The following PTGIS variants were observed in gnomAD, a reference collection of about 807,000 sequenced individuals.
PTGIS encodes the protein prostaglandin I2 synthase, also known as prostacyclin synthase.
PTGIS carries 45 observed loss-of-function variants against 50.3 expected under a neutral mutation model. The ratio of observed to expected loss-of-function variants is 0.90; its 90% CI spans 0.70 to 1.15. The LOEUF is 1.15. Ranked by LOEUF, PTGIS falls within the 50% of genes most tolerant of loss-of-function variation. The probability of loss-of-function intolerance (pLI) is 0.00; values close to 1 mark genes in which losing one functional copy is unlikely to be tolerated. For synonymous variants in PTGIS, 260 were observed against 267.7 expected (o/e 0.97, Z 0.28); for missense variants, 668 against 661.3 (o/e 1.01, Z -0.11).
intron 6 of PTGIS, among the ~76,000 whole-genome samples, chr20:49,520,317 G>A: frequency 6.6e-6 from 1 of 151,244 alleles, no homozygotes; most frequent in South Asian, 2.1e-4. Context: ...CTTCTCCATA[G>A]AACACATTCC....
intron 5 of PTGIS, 30 bp from the exon 6 acceptor site, chr20:49,524,269 T>C (rs1981738051): frequency 5.0e-6 from 8 of 1,610,100 alleles, no homozygotes; most frequent in Admixed American, 3.3e-5. Flanking sequence ...AGAGTAGGGG[T>C]TACAGATTCA....
chr20:49,520,026 G>A (rs1981607383), intron 6 of PTGIS, among the ~76,000 whole-genome samples: 1 of 151,600 alleles, frequency 6.6e-6, no homozygotes, highest in East Asian at 1.9e-4. Context: ...CGAAAGACAG[G>A]CCAGGTTCTT....
At chr20:49,519,953 C>A (rs1182639561) in intron 6 of PTGIS, among the ~76,000 whole-genome samples, 2 of 141,940 alleles carry the variant, frequency 1.4e-5, no homozygotes, top group Admixed American at 6.9e-5. Context: ...GCTCTCCCTG[C>A]CTCTGCTTCC....
At chr20:49,516,270 T>A (rs1408166629) in intron 6 of PTGIS, among the ~76,000 whole-genome samples, 1 of 151,952 alleles carries the variant, frequency 6.6e-6, no homozygotes, top group Non-Finnish European at 1.5e-5. Context: ...TTTTAAACTG[T>A]TCAAAATTTT....
chr20:49,529,865 C>A (rs936668630), intron 5 of PTGIS, among the ~76,000 whole-genome samples: 2 of 152,088 alleles, frequency 1.3e-5, no homozygotes, highest in African/African-American at 4.8e-5. Context: ...ATAAATTAAA[C>A]TTTATCAGGC....
intron 1 of PTGIS, among the ~76,000 whole-genome samples, chr20:49,558,676 G>A (rs187773373): frequency 1.3e-5 from 2 of 151,968 alleles, no homozygotes; most frequent in Non-Finnish European, 2.9e-5. Flanking sequence ...ATGAGGCTGA[G>A]ACTTGCTGGG....
At chr20:49,539,197 G>A (rs553837209) in intron 5 of PTGIS, among the ~76,000 whole-genome samples, 3 of 152,250 alleles carry the variant, frequency 2.0e-5, no homozygotes, top group African/African-American at 4.8e-5. Flanking sequence ...AAAGTGGAGC[G>A]CTCTTTTATT....
chr20:49,505,703 G>C lies in PTGIS; in HGVS notation c.*2217C>G, dbSNP rs531296360. 1.3e-5 allele frequency: 2 copies of C among 152,720 alleles called. No individual in the cohort carries two copies. The allele number at this position is 152,720 out of a possible 1,614,324, so 9.5% of individuals were successfully genotyped here. Reference sequence around the variant, plus strand: ...CAGCTGAGGGTTGCCACGGAAACCGGCTCTGTCCTCCCACTGGAGGCTGCC... The same window carrying C: ...CAGCTGAGGGTTGCCACGGAAACCGCCTCTGTCCTCCCACTGGAGGCTGCC... On this transcript the variant is annotated 3_prime_UTR_variant, in exon 10 of 10. Coordinates refer to ENST00000244043, the MANE Select transcript of PTGIS (RefSeq NM_000961.4).
chr20:49,531,359 G>C (rs985166575), intron 5 of PTGIS, among the ~76,000 whole-genome samples: 6 of 152,176 alleles, frequency 3.9e-5, no homozygotes, highest in Non-Finnish European at 7.3e-5. Flanking sequence ...AAGCTGTGTA[G>C]TTAAAGGGGG....
intron 5 of PTGIS, 138 bp from the exon 6 acceptor site, chr20:49,524,377 A>AGCTGCAGGACAGGCCC: frequency 1.0e-6 from 1 of 988,434 alleles, no homozygotes; most frequent in Non-Finnish European, 1.5e-6. Context: ...GTGGGAAAGA[A>AGCTGCAGGACAGGCCC]GCTGCAGGAC....
intron 3 of PTGIS, among the ~76,000 whole-genome samples, chr20:49,545,810 A>G (rs372067901): frequency 6.6e-6 from 1 of 151,664 alleles, no homozygotes; most frequent in Non-Finnish European, 1.5e-5. Context: ...GGAGAGTGCC[A>G]ATCAGGGCCC....
Position 49,548,012 on chromosome 20 carries a change from A to G in PTGIS, c.206T>C (p.Val69Ala). The G allele has an allele frequency of 1.2e-6, 2 of 1,613,798 alleles. No individual in the cohort carries two copies. The highest frequency in any genetic ancestry group is 1.7e-6 in the Non-Finnish European group (2 of 1,179,894). Residue 69 changes from valine (V) to alanine (A), a missense_variant, in exon 3 of 10, where the codon GTT becomes GCT. Transcript: ENST00000244043. Reference sequence around the variant, plus strand: ...GAGAACGGTGACATACCTGCCCCCAACCAGTATCTGTGGGAAGTTGCCAGG... The same window carrying G: ...GAGAACGGTGACATACCTGCCCCCAGCCAGTATCTGTGGGAAGTTGCCAGG... ...EKHGDIFTIL[V>A]GGRYVTVLLD...
At chr20:49,537,428 C>A (rs760620808) in intron 5 of PTGIS, among the ~76,000 whole-genome samples, 2 of 152,150 alleles carry the variant, frequency 1.3e-5, no homozygotes, top group African/African-American at 4.8e-5. Flanking sequence ...AGCGGTACAA[C>A]AATTCTTCTA....
Position 49,568,130 on chromosome 20 carries a change from G to GGGCTGGCGGGGCTGGCGT in PTGIS, c.-15_-14insACGCCAGCCCCGCCAGCC. The GGGCTGGCGGGGCTGGCGT allele has an allele frequency of 8.5e-7, 1 of 1,170,656 alleles. No individual in the cohort carries two copies. Among genetic ancestry groups the GGGCTGGCGGGGCTGGCGT allele is most frequent in the Non-Finnish European group, 1.1e-6 (1 of 904,798 alleles). 72.5% of individuals were successfully genotyped at this position (1,170,656 alleles called of 1,614,324 possible). Reference sequence around the variant, plus strand: ...GGCCCAAGCCATCGCGGGGCTGGCGGGGCTGGCGGGGCTGGCGGGGCTGGC... The same window carrying GGGCTGGCGGGGCTGGCGT: ...GGCCCAAGCCATCGCGGGGCTGGCGGGGCTGGCGGGGCTGGCGTGGCTGGCGGGGCTGGCGGGGCTGGC... On this transcript the variant is annotated 5_prime_UTR_variant, in exon 1 of 10. Transcript: ENST00000244043.
At chr20:49,567,936 A>T in intron 1 of PTGIS, 107 bp downstream of exon 1, 1 of 1,082,576 alleles carries the variant, frequency 9.2e-7, no homozygotes, top group Non-Finnish European at 1.2e-6. Flanking sequence ...GGGATACTGG[A>T]GCGGGACTCG....
intron 5 of PTGIS, among the ~76,000 whole-genome samples, chr20:49,525,140 A>G (rs78333131): frequency 0.012 from 1,823 of 152,174 alleles, 34 homozygotes; most frequent in African/African-American, 0.037. Flanking sequence ...CTCAAACTCA[A>G]CTCACTCCAG....
At chr20:49,538,661 G>A (rs1167116178) in intron 5 of PTGIS, among the ~76,000 whole-genome samples, 1 of 147,184 alleles carries the variant, frequency 6.8e-6, no homozygotes, top group East Asian at 2.0e-4. Context: ...ACTTCTCAGT[G>A]CATTTATTTA....
At chr20:49,544,595 A>T in intron 3 of PTGIS, 147 bp from the exon 4 acceptor site, 1 of 813,876 alleles carries the variant, frequency 1.2e-6, no homozygotes, top group South Asian at 1.6e-5. Flanking sequence ...AAATAAGAGG[A>T]TATTATTATG....
At chr20:49,534,840 A>G (rs935908767) in intron 5 of PTGIS, among the ~76,000 whole-genome samples, 9 of 152,150 alleles carry the variant, frequency 5.9e-5, no homozygotes, top group African/African-American at 2.2e-4. Context: ...CTACTGAAAC[A>G]CAAAAAAATA....
Sources: allele counts gnomAD v4.1 joint callset (sites outside exome capture counted in the v4.1 genomes callset), GRCh38; gene constraint gnomAD v4.1.1; transcripts MANE v1.5; gene names NCBI Gene and HGNC (gene_info 2026-07-23, HGNC 2026-07-21).